The following DOCK1 variants were observed in gnomAD, a reference collection of about 807,000 sequenced individuals.
DOCK1 encodes the protein dedicator of cytokinesis 1, also known as dedicator of cytokinesis protein 1.
A neutral mutation model predicts 262.7 loss-of-function variants in DOCK1; 138 were observed. That is an observed-to-expected ratio of 0.53 (90% CI 0.46 to 0.61). The LOEUF (loss-of-function observed/expected upper bound fraction) is 0.61. Ranked by LOEUF, DOCK1 falls within the 20% of genes least tolerant of loss-of-function variation. The pLI, the probability that DOCK1 is intolerant of heterozygous loss-of-function variation, is 0.00. For missense variants in DOCK1, 1,908 were observed against 2,370.7 expected (o/e 0.80, Z 4.05); for synonymous variants, 866 against 867.4 (o/e 1.00, Z 0.03).
At chr10:126,925,707 C>T (rs1205656534) in intron 1 of DOCK1, among the ~76,000 whole-genome samples, 1 of 150,762 alleles carries the variant, frequency 6.6e-6, no homozygotes. Flanking sequence ...TAAACACATA[C>T]ACACACATTG....
intron 27 of DOCK1, among the ~76,000 whole-genome samples, chr10:127,194,935 G>C (rs2057001293): frequency 1.3e-5 from 2 of 152,204 alleles, no homozygotes; most frequent in South Asian, 4.1e-4. Context: ...CAGGGGCCCA[G>C]AGCGCGTGCA....
At position 127,451,745 on chromosome 10, in the gene DOCK1, T is replaced by C. The variant is rs1021517225; in HGVS notation, c.*318T>C. The C allele has an allele frequency of 2.6e-6, 1 of 382,286 alleles. No homozygotes were observed. Among genetic ancestry groups the C allele is most frequent in the African/African-American group, 2.1e-5 (1 of 48,400 alleles). 23.7% of individuals were successfully genotyped at this position (382,286 alleles called of 1,614,324 possible). On this transcript the variant is annotated 3_prime_UTR_variant, in exon 52 of 52. Coordinates refer to ENST00000623213, the MANE Select transcript of DOCK1 (RefSeq NM_001290223.2). ...ATTCTTTCTTTTTGTGCCAAATGAC[T>C]TGCATTTGCAAAGAGCTCAATTGCT... is the stretch of plus-strand genomic sequence containing the variant.
chr10:127,413,619 G>A (rs1044284533), intron 43 of DOCK1, among the ~76,000 whole-genome samples: 12 of 152,190 alleles, frequency 7.9e-5, no homozygotes, highest in Admixed American at 4.6e-4. Flanking sequence ...CAGGGCCTGC[G>A]TGAGGAGGAG....
chr10:127,309,977 G>A (rs113392754), intron 29 of DOCK1, among the ~76,000 whole-genome samples: 39 of 151,702 alleles, frequency 2.6e-4, no homozygotes, highest in Non-Finnish European at 5.2e-4. Flanking sequence ...CCAGGTTCAA[G>A]CAATTCTTGT....
chr10:127,193,859 G>A (rs1564890755), intron 27 of DOCK1, among the ~76,000 whole-genome samples: 1 of 152,178 alleles, frequency 6.6e-6, no homozygotes, highest in Non-Finnish European at 1.5e-5. Flanking sequence ...CAGAGTAATA[G>A]AGTACCCAGC....
intron 28 of DOCK1, 79 bp from the exon 29 acceptor site, chr10:127,257,256 T>C (rs2059858433): frequency 8.5e-7 from 1 of 1,173,920 alleles, no homozygotes; most frequent in Non-Finnish European, 1.2e-6. Context: ...TGGGGTATTT[T>C]ATAATCTAAT....
At chr10:127,228,530 G>T (rs1388794759) in intron 27 of DOCK1, among the ~76,000 whole-genome samples, 1 of 152,200 alleles carries the variant, frequency 6.6e-6, no homozygotes, top group Non-Finnish European at 1.5e-5. Context: ...ACCAGGCACA[G>T]TCTGTGGCTT....
chr10:127,026,137 C>T (rs9418799), intron 15 of DOCK1: 126,563 of 535,788 alleles, frequency 0.24, 16,130 homozygotes, highest in East Asian at 0.3. Flanking sequence ...AGCTGTGTCA[C>T]GGAGTCAGTT....
At chr10:127,266,488 C>CACAT (rs954394787) in intron 29 of DOCK1, among the ~76,000 whole-genome samples, 28 of 151,862 alleles carry the variant, frequency 1.8e-4, no homozygotes, top group African/African-American at 6.5e-4. Flanking sequence ...AAAACACACA[C>CACAT]ACACACACAC....
chr10:126,930,703 C>T (rs1306828153), intron 1 of DOCK1, among the ~76,000 whole-genome samples: 2 of 152,180 alleles, frequency 1.3e-5, no homozygotes, highest in Non-Finnish European at 2.9e-5. Context: ...CAGGCCAAGG[C>T]AAGGTTTTGC....
At chr10:127,420,500 G>A (rs2068437045) in intron 46 of DOCK1, among the ~76,000 whole-genome samples, 1 of 152,130 alleles carries the variant, frequency 6.6e-6, no homozygotes, top group Non-Finnish European at 1.5e-5. Flanking sequence ...CAAGGAGGGT[G>A]CTGTCCCCGA....
At chr10:126,997,997 A>G (rs574786103) in intron 7 of DOCK1, 95 bp from the exon 8 acceptor site, 2 of 1,489,862 alleles carry the variant, frequency 1.3e-6, no homozygotes, top group Admixed American at 2.0e-5. Context: ...TATGCCAATG[A>G]GTTATTACAA....
rs74158664 is a variant in DOCK1, at chr10:127,328,633, C to T, written c.3045-10373C>T. On this transcript the variant is annotated intron_variant, in intron 29 of 51. Transcript: ENST00000623213. ...GCAGGGATGCGAGGGACGGCAGGGACGAGAGGGATGGCAGGGATGGCAGGG... is the reference window on the plus strand; with the variant it reads ...GCAGGGATGCGAGGGACGGCAGGGATGAGAGGGATGGCAGGGATGGCAGGG... Among the ~76,000 whole-genome samples, 474 of 151,998 alleles carry T rather than the reference C, an allele frequency of 3.1e-3. 2 individuals carry two copies. The highest frequency in any genetic ancestry group is 0.011 in the African/African-American group (454 of 41,484).
chr10:126,961,316 G>A (rs1447876548), intron 1 of DOCK1, among the ~76,000 whole-genome samples: 5 of 152,140 alleles, frequency 3.3e-5, no homozygotes, highest in South Asian at 4.1e-4. Flanking sequence ...GGCCAGGCGC[G>A]GTGGCTCACA....
At chr10:127,262,213 C>CATATGTGT (rs372547717) in intron 29 of DOCK1, among the ~76,000 whole-genome samples, 20 of 126,580 alleles carry the variant, frequency 1.6e-4, no homozygotes, top group East Asian at 7.4e-4. Context: ...TGTGTGTGTG[C>CATATGTGT]GTGTGTGTGT....
intron 19 of DOCK1, among the ~76,000 whole-genome samples, chr10:127,040,808 C>A (rs538166472): frequency 6.6e-6 from 1 of 152,210 alleles, no homozygotes; most frequent in Non-Finnish European, 1.5e-5. Flanking sequence ...AAAATTCATC[C>A]TTTTACTCTG....
chr10:126,980,719 G>C (rs77217565), intron 3 of DOCK1, among the ~76,000 whole-genome samples: 1 of 151,390 alleles, frequency 6.6e-6, no homozygotes, highest in African/African-American at 2.4e-5. Flanking sequence ...ATTCAGGGCT[G>C]AATGCCGGGG....
At position 127,447,471 on chromosome 10, in the gene DOCK1, G is replaced by A; in HGVS notation, c.5491G>A (p.Asp1831Asn). 1 of 1,613,820 alleles carries A rather than the reference G, an allele frequency of 6.2e-7. No homozygotes were observed. Residue 1831 changes from aspartate (D) to asparagine (N), a missense_variant, in exon 51 of 52, where the codon GAT becomes AAT. This residue lies in a region of DOCK1 where 383 missense variants were observed against 420.1 expected (regional missense o/e 0.91). Transcript: ENST00000623213. ...TCTGCCTCTCAAAGGCAGCGTGGCA[G>A]ATTACGGGAATTTGATGGAAAACCA... ...PPLPLKGSVADYGNLMENQDL... is the reference protein window; with the variant it reads ...PPLPLKGSVANYGNLMENQDL...
intron 37 of DOCK1, among the ~76,000 whole-genome samples, chr10:127,381,942 T>C (rs1330520947): frequency 6.8e-6 from 1 of 146,422 alleles, no homozygotes; most frequent in Non-Finnish European, 1.5e-5. Context: ...ATTGACTTTC[T>C]TTGTTTACAG....
Sources: gnomAD v4.1 joint callset for allele counts (sites outside exome capture counted in the v4.1 genomes callset) on GRCh38, gnomAD v4.1.1 for gene constraint, gnomAD v4.1.1 regional missense constraint, MANE v1.5 for transcripts, NCBI Gene and HGNC (gene_info 2026-07-23, HGNC 2026-07-21) for gene names.